DHCR7: variants seen among roughly 807,000 people sequenced by gnomAD.
The protein encoded by DHCR7 is 7-DHC reductase.
DHCR7 carries 40 observed loss-of-function variants against 43.3 expected under a neutral mutation model. That is an observed-to-expected ratio of 0.92 (90% CI 0.72 to 1.20). DHCR7 has a LOEUF of 1.20. Ranked by LOEUF, DHCR7 falls within the 50% of genes most tolerant of loss-of-function variation. DHCR7 has a pLI of 0.00. For missense variants in DHCR7, 608 were observed against 644.6 expected (o/e 0.94, Z 0.62); for synonymous variants, 298 against 271.4 (o/e 1.10, Z -0.96).
intron 8 of DHCR7, among the ~76,000 whole-genome samples, chr11:71,437,532 C>A (rs1392295381): frequency 6.6e-6 from 1 of 152,156 alleles, no homozygotes; most frequent in Non-Finnish European, 1.5e-5. Flanking sequence ...TGAAGAGGAC[C>A]CCTCCTGCCA....
In DHCR7 at chr11:71,439,076, T is replaced by C. The variant is rs976105626; in HGVS notation, c.634A>G (p.Thr212Ala). 1 of 1,613,848 alleles carries C rather than the reference T, an allele frequency of 6.2e-7. No homozygotes were observed. Among genetic ancestry groups the C allele is most frequent in the South Asian group, 1.1e-5 (1 of 91,086 alleles). The change falls in exon 7 of 9, where the codon ACA (threonine) becomes GCA (alanine). Residue 212 changes from threonine to alanine, a missense_variant. Coordinates refer to ENST00000355527, the MANE Select transcript of DHCR7 (RefSeq NM_001360.3). ...ATGTAGTTGTAAAAGAAATTGCCTGTGAATTTGCTTAAAAATATAAATAAA... is the reference window on the plus strand; with the variant it reads ...ATGTAGTTGTAAAAGAAATTGCCTGCGAATTTGCTTAAAAATATAAATAAA... ...FPTSARDCKF[T>A]GNFFYNYMMG...
intron 7 of DHCR7, 70 bp downstream of exon 7, chr11:71,438,809 G>A (rs564709749): frequency 3.6e-5 from 54 of 1,500,436 alleles, no homozygotes; most frequent in South Asian, 7.9e-5. Context: ...ATGGGAATAC[G>A]CTCTGGCTTG....
downstream of DHCR7, among the ~76,000 whole-genome samples, chr11:71,433,326 G>C (rs1380271141): frequency 6.6e-6 from 1 of 152,224 alleles, no homozygotes; most frequent in Non-Finnish European, 1.5e-5. Context: ...GCTCCATCTG[G>C]GGATGAGTGA....
chr11:71,439,112 A>C lies in DHCR7; in HGVS notation c.627-29T>G, dbSNP rs74742701. ...AAAAATATAAATAAAAGATACATTT[A>C]GTGGATGAGCATATCTCACAAGATG... is the stretch of plus-strand genomic sequence containing the variant. On this transcript the variant is annotated intron_variant, in intron 6 of 8. Transcript: ENST00000355527. 2.3e-3 allele frequency: 3,590 copies of C among 1,595,210 alleles called. 73 individuals carry two copies. The African/African-American group carries it at 0.042, about 19-fold the overall frequency.
rs369837196 is a variant in DHCR7 at position 71,435,647 on chromosome 11, C to T, written c.1156G>A (p.Asp386Asn). The change falls in exon 9 of 9, where the codon GAT becomes AAT. Residue 386 changes from aspartate to asparagine, a missense_variant. Transcript: ENST00000355527. ...AGCTTGCTGTGGTGCCTCTGCCCAT[C>T]GGCGGATGTGTAGGAGCACTCGATG... ...KVIECSYTSA[D>N]GQRHHSKLLV... The T allele has an allele frequency of 4.7e-5, 75 of 1,612,646 alleles. No homozygotes were observed. The highest frequency in any genetic ancestry group is 8.3e-5 in the Admixed American group (5 of 60,010).
In DHCR7 at chr11:71,438,954, G is replaced by C. The variant is rs774666247; in HGVS notation, c.756C>G (p.Asn252Lys). The C allele has an allele frequency of 6.2e-7, 1 of 1,614,060 alleles. No individual in the cohort carries two copies. Among genetic ancestry groups the C allele is most frequent in the Non-Finnish European group, 8.5e-7 (1 of 1,180,048 alleles). Residue 252 changes from asparagine (N) to lysine (K), a missense_variant, in exon 7 of 9, where the codon AAC becomes AAG. Transcript: ENST00000355527. ...RPGIVAWTLI[N>K]LSFAAKQREL... ...CCCGCTGCTTCGCTGCGAAGGACAG[G>C]TTGATGAGGGTCCAGGCGACGATCC...
rs1253314771 is a variant in DHCR7, at chr11:71,444,885, G to C, written c.68C>G (p.Thr23Ser). ...KSLDGVTNDR[T>S]ASQGQWGRAW... ...ACGGCCCCACTGCCCTTGAGATGCG[G>C]TTCTGTCATTGGTGACGCCATCTAG... Residue 23 changes from threonine to serine, a missense_variant, in exon 3 of 9, where the codon ACC (threonine) becomes AGC (serine). Transcript: ENST00000355527. The C allele has an allele frequency of 6.2e-7, 1 of 1,614,198 alleles. No individual in the cohort carries two copies. Among genetic ancestry groups the C allele is most frequent in the East Asian group, 2.2e-5 (1 of 44,878 alleles).
downstream of DHCR7, among the ~76,000 whole-genome samples, chr11:71,430,384 C>A (rs1229540291): frequency 6.6e-6 from 1 of 152,232 alleles, no homozygotes; most frequent in Non-Finnish European, 1.5e-5. Context: ...CAGGAGCAAG[C>A]TCCATGCAGG....
intron 4 of DHCR7, among the ~76,000 whole-genome samples, chr11:71,443,244 A>C (rs912924488): frequency 2.6e-5 from 4 of 152,180 alleles, no homozygotes; most frequent in African/African-American, 9.7e-5. Context: ...TGTGATTCAC[A>C]CTGCCCCTGT....
chr11:71,436,585 C>T (rs1949283439), intron 8 of DHCR7, among the ~76,000 whole-genome samples: 1 of 152,048 alleles, frequency 6.6e-6, no homozygotes, highest in Non-Finnish European at 1.5e-5. Flanking sequence ...ATCACTTGAA[C>T]CCAGGAGGTG....
intron 8 of DHCR7, among the ~76,000 whole-genome samples, chr11:71,436,446 C>T (rs560061068): frequency 3.9e-5 from 6 of 152,350 alleles, no homozygotes; most frequent in East Asian, 1.9e-4. Flanking sequence ...GGGCGGATCA[C>T]GAGATCAGGA....
chr11:71,445,024 T>G (rs1274274288), intron 2 of DHCR7, 66 bp from the exon 3 acceptor site: 2 of 1,388,684 alleles, frequency 1.4e-6, no homozygotes, highest in Non-Finnish European at 2.1e-6. Context: ...CCCTGTTGCA[T>G]CCACCACTGC....
chr11:71,438,507 A>G (rs1204284159), intron 7 of DHCR7, among the ~76,000 whole-genome samples: 2 of 151,902 alleles, frequency 1.3e-5, no homozygotes, highest in Non-Finnish European at 2.9e-5. Context: ...GATGTTTCTG[A>G]GTGTCCCAGA....
At position 71,435,259 on chromosome 11, in the gene DHCR7, C is replaced by A; in HGVS notation, c.*116G>T. On this transcript the variant is annotated 3_prime_UTR_variant, in exon 9 of 9. Coordinates refer to ENST00000355527, the MANE Select transcript of DHCR7 (RefSeq NM_001360.3). ...CACCTGCCAAGTGCTGGGCTCTCTC[C>A]AGTTTACAGATGAGGAAACTGAGGC... 9.0e-7 allele frequency: 1 copy of A among 1,109,316 alleles called. No individual in the cohort carries two copies. Among genetic ancestry groups the A allele is most frequent in the East Asian group, 2.4e-5 (1 of 42,244 alleles). The allele number at this position is 1,109,316 out of a possible 1,614,324, so 68.7% of individuals were successfully genotyped here.
intron 2 of DHCR7, among the ~76,000 whole-genome samples, chr11:71,446,048 G>A (rs1251963310): frequency 1.3e-5 from 2 of 151,994 alleles, no homozygotes; most frequent in Non-Finnish European, 2.9e-5. Context: ...TCCACAAAAG[G>A]GCAGGGGCAA....
downstream of DHCR7, among the ~76,000 whole-genome samples, chr11:71,434,173 T>C (rs1319382148): frequency 6.6e-6 from 1 of 152,082 alleles, no homozygotes; most frequent in Non-Finnish European, 1.5e-5. Flanking sequence ...TGGGGGGGAA[T>C]GGAATACTCT....
chr11:71,428,205 T>G (rs564957161), exon 3 of DHCR7: 1 of 152,246 alleles, frequency 6.6e-6, no homozygotes, highest in Non-Finnish European at 1.5e-5. Context: ...GGATCTCTAA[T>G]GTAATTTGGA....
At chr11:71,444,819 T>A in intron 3 of DHCR7, 36 bp downstream of exon 3, 2 of 1,581,898 alleles carry the variant, frequency 1.3e-6, no homozygotes. Flanking sequence ...AGACCACACT[T>A]TACTTTCTAG....
In DHCR7 at chr11:71,441,420, T is replaced by C; in HGVS notation, c.433A>G (p.Ile145Val). 1 of 1,613,468 alleles carries C rather than the reference T, an allele frequency of 6.2e-7. No homozygotes were observed. Among genetic ancestry groups the C allele is most frequent in the Non-Finnish European group, 8.5e-7 (1 of 1,179,592 alleles). Reference protein sequence around the residue: ...TPAGVVNKYQINGLQAWLLTH... With the variant: ...TPAGVVNKYQVNGLQAWLLTH... ...AGGAGCCAGGCTTGCAGGCCATTGA[T>C]CTGATACTTGTTCACAACCCCTGCA... The change falls in exon 6 of 9, where the codon ATC becomes GTC. Residue 145 changes from isoleucine (I) to valine (V), a missense_variant. Coordinates refer to ENST00000355527, the MANE Select transcript of DHCR7 (RefSeq NM_001360.3).
Sources: gnomAD v4.1 joint callset for allele counts (sites outside exome capture counted in the v4.1 genomes callset) on GRCh38, gnomAD v4.1.1 for gene constraint, MANE v1.5 for transcripts, NCBI Gene and HGNC (gene_info 2026-07-23, HGNC 2026-07-21) for gene names.